Variants in KHDRBS2 observed in about 807,000 individuals in gnomAD.
KHDRBS2 encodes the protein KH RNA binding domain containing, signal transduction associated 2.
In KHDRBS2, 26 loss-of-function variants were observed where a neutral mutation model predicts 44.3. The ratio of observed to expected loss-of-function variants is 0.59; its 90% CI spans 0.43 to 0.81. KHDRBS2 has a LOEUF of 0.81. Ranked by LOEUF, KHDRBS2 falls within the 40% of genes least tolerant of loss-of-function variation. The pLI, the probability that KHDRBS2 is intolerant of heterozygous loss-of-function variation, is 0.00. For synonymous variants in KHDRBS2, 194 were observed against 151.1 expected (o/e 1.28, Z -2.08); for missense variants, 476 against 433.1 (o/e 1.10, Z -0.88).
At chr6:61,768,820 G>A (rs1332832452) in intron 6 of KHDRBS2, among the ~76,000 whole-genome samples, 1 of 151,978 alleles carries the variant, frequency 6.6e-6, no homozygotes, top group South Asian at 2.1e-4. Flanking sequence ...TGATTTTTTG[G>A]TCTTATAAAA....
chr6:61,828,203 A>C (rs1229990332), intron 6 of KHDRBS2, among the ~76,000 whole-genome samples: 3 of 152,212 alleles, frequency 2.0e-5, no homozygotes, highest in Non-Finnish European at 4.4e-5. Context: ...ATCTCTGATC[A>C]ATGGATTCAA....
chr6:62,023,663 A>G (rs1782740714), intron 3 of KHDRBS2, among the ~76,000 whole-genome samples: 2 of 151,706 alleles, frequency 1.3e-5, no homozygotes, highest in South Asian at 2.1e-4. Flanking sequence ...TATAAAAAAC[A>G]AAAACATAAA....
chr6:62,152,929 A>G (rs1815535188), intron 2 of KHDRBS2, among the ~76,000 whole-genome samples: 1 of 152,234 alleles, frequency 6.6e-6, no homozygotes, highest in Non-Finnish European at 1.5e-5. Context: ...TTTAGATTCT[A>G]TGAACACAGC....
At chr6:62,134,711 C>A (rs537126415) in intron 2 of KHDRBS2, among the ~76,000 whole-genome samples, 2 of 152,286 alleles carry the variant, frequency 1.3e-5, no homozygotes, top group South Asian at 2.1e-4. Flanking sequence ...ACCATAGGAA[C>A]CCACCTCTTG....
intron 6 of KHDRBS2, among the ~76,000 whole-genome samples, chr6:61,848,608 G>A (rs1021463138): frequency 2.5e-4 from 25 of 100,790 alleles, no homozygotes; most frequent in African/African-American, 8.5e-4. Context: ...TTTTTAACTC[G>A]ATTCCAGGCT....
chr6:62,010,870 C>T lies in KHDRBS2; in HGVS notation c.337-32658G>A, dbSNP rs115099804. On this transcript the variant is annotated intron_variant, in intron 3 of 8. Coordinates refer to ENST00000281156, the MANE Select transcript of KHDRBS2 (RefSeq NM_152688.4). ...AAAATGTTTACTTTTTAAAAATTCA[C>T]CTTTCTAAAAATAATAAAGAAAAAC... Among the ~76,000 whole-genome samples, 219 of 152,142 alleles carry T rather than the reference C, an allele frequency of 1.4e-3. 2 individuals carry two copies. The highest frequency in any genetic ancestry group is 4.9e-3 in the African/African-American group (204 of 41,510).
At chr6:62,240,381 A>G (rs1443858818) in intron 1 of KHDRBS2, among the ~76,000 whole-genome samples, 3 of 151,826 alleles carry the variant, frequency 2.0e-5, no homozygotes, top group Non-Finnish European at 4.4e-5. Context: ...ATTTCTCCAA[A>G]TATCCTGGTT....
intron 2 of KHDRBS2, among the ~76,000 whole-genome samples, chr6:62,062,443 G>A (rs1792215835): frequency 6.6e-6 from 1 of 151,282 alleles, no homozygotes; most frequent in Non-Finnish European, 1.5e-5. Context: ...AGACCACAGT[G>A]CAATCAAACT....
chr6:61,665,118 T>G, the KHDRBS2 span, among the ~76,000 whole-genome samples: 1 of 151,580 alleles, frequency 6.6e-6, no homozygotes, highest in African/African-American at 2.4e-5. Context: ...AGGAGTTGAA[T>G]TATAAATTCT....
intron 1 of KHDRBS2, among the ~76,000 whole-genome samples, chr6:62,239,752 C>A (rs1834291583): frequency 6.6e-6 from 1 of 152,174 alleles, no homozygotes. Context: ...GTGGCGGGAT[C>A]TCAGATGACT....
At chr6:61,840,579 A>G (rs1793454846) in intron 6 of KHDRBS2, among the ~76,000 whole-genome samples, 1 of 152,132 alleles carries the variant, frequency 6.6e-6, no homozygotes, top group Non-Finnish European at 1.5e-5. Context: ...AGCCTATCTA[A>G]GCTGACTTTC....
intron 3 of KHDRBS2, among the ~76,000 whole-genome samples, chr6:62,014,496 T>A (rs766011456): frequency 1.3e-5 from 2 of 152,156 alleles, no homozygotes; most frequent in Non-Finnish European, 2.9e-5. Flanking sequence ...AGTATAAACA[T>A]AACAAATTGC....
intron 3 of KHDRBS2, among the ~76,000 whole-genome samples, chr6:62,010,779 AC>A (rs955585475): frequency 1.8e-4 from 28 of 152,276 alleles, no homozygotes; most frequent in African/African-American, 6.3e-4. Flanking sequence ...GTTTAAAAAA[AC>A]CTCATCTGTT....
intron 2 of KHDRBS2, among the ~76,000 whole-genome samples, chr6:62,092,640 TA>T (rs1408161376): frequency 1.3e-5 from 2 of 152,178 alleles, no homozygotes; most frequent in African/African-American, 4.8e-5. Flanking sequence ...CATTGTTTCC[TA>T]AAGTATTTCT....
the KHDRBS2 span, among the ~76,000 whole-genome samples, chr6:61,650,446 G>A: frequency 1.9e-4 from 29 of 150,754 alleles, no homozygotes; most frequent in African/African-American, 6.6e-4. Flanking sequence ...TGCAGTGCTG[G>A]CACACAGTAG....
intron 2 of KHDRBS2, among the ~76,000 whole-genome samples, chr6:62,065,667 A>C (rs992294774): frequency 8.9e-5 from 13 of 146,128 alleles, no homozygotes; most frequent in Non-Finnish European, 1.7e-4. Flanking sequence ...TAGCATTGGG[A>C]GATATACCTA....
chr6:62,016,478 G>A (rs577206112), intron 3 of KHDRBS2, among the ~76,000 whole-genome samples: 4 of 149,796 alleles, frequency 2.7e-5, no homozygotes, highest in Admixed American at 2.0e-4. Flanking sequence ...ATACACATAT[G>A]TATATATATA....
intron 1 of KHDRBS2, among the ~76,000 whole-genome samples, chr6:62,198,494 G>C (rs2150136206): frequency 6.6e-6 from 1 of 152,198 alleles, no homozygotes; most frequent in African/African-American, 2.4e-5. Flanking sequence ...AGAAGAAATG[G>C]ATAAATTCCT....
chr6:61,756,703 C>T (rs146430379), intron 6 of KHDRBS2, among the ~76,000 whole-genome samples: 1 of 152,338 alleles, frequency 6.6e-6, no homozygotes, highest in African/African-American at 2.4e-5. Context: ...TTTAACTTAA[C>T]AGTAATTTCA....
Sources: gnomAD v4.1 joint callset for allele counts (sites outside exome capture counted in the v4.1 genomes callset) on GRCh38, gnomAD v4.1.1 for gene constraint, MANE v1.5 for transcripts, NCBI Gene and HGNC (gene_info 2026-07-23, HGNC 2026-07-21) for gene names.